ANKRD55: variants seen among roughly 807,000 people sequenced by gnomAD.
ANKRD55 encodes ankyrin repeat domain-containing protein 55.
In ANKRD55, 41 loss-of-function variants were observed where a neutral mutation model predicts 60.6. That is an observed-to-expected ratio of 0.68 (90% CI 0.53 to 0.88). The LOEUF is 0.88. ANKRD55 is among the 40% of genes least tolerant of loss of function. The probability of loss-of-function intolerance (pLI) is 0.00; values close to 1 mark genes in which losing one functional copy is unlikely to be tolerated. For missense variants in ANKRD55, 732 were observed against 767.6 expected, an observed-to-expected ratio of 0.95 and a Z score of 0.55; for synonymous variants, 264 against 290.3, an observed-to-expected ratio of 0.91 and a Z score of 0.92.
intron 8 of ANKRD55, among the ~76,000 whole-genome samples, chr5:56,125,001 T>G (rs890201171): frequency 2.0e-5 from 3 of 152,200 alleles, no homozygotes; most frequent in Admixed American, 1.3e-4. Flanking sequence ...CTTTGTACTT[T>G]CTTTTTTCCC....
chr5:56,160,060 G>C (rs1758288382), intron 5 of ANKRD55, among the ~76,000 whole-genome samples, 167 bp from the exon 6 acceptor site: 1 of 152,136 alleles, frequency 6.6e-6, no homozygotes, highest in African/African-American at 2.4e-5. Context: ...AAAGAAGCAA[G>C]AGTGTGATAG....
intron 2 of ANKRD55, among the ~76,000 whole-genome samples, chr5:56,198,303 T>TA (rs1759274060): frequency 6.6e-6 from 1 of 152,114 alleles, no homozygotes; most frequent in Non-Finnish European, 1.5e-5. Context: ...ATTACTGTTT[T>TA]TTTTTCTTTT....
At chr5:56,125,287 T>C (rs934846231) in intron 8 of ANKRD55, among the ~76,000 whole-genome samples, 12 of 152,100 alleles carry the variant, frequency 7.9e-5, no homozygotes, top group African/African-American at 2.9e-4. Flanking sequence ...TTTTTTCTTT[T>C]TTTTTTTCAG....
chr5:56,134,672 A>G (rs1757510514), intron 7 of ANKRD55, among the ~76,000 whole-genome samples: 1 of 152,150 alleles, frequency 6.6e-6, no homozygotes, highest in South Asian at 2.1e-4. Flanking sequence ...GGTAAATTTT[A>G]CCAAACATTC....
chr5:56,126,952 C>T lies in ANKRD55; in HGVS notation c.767G>A (p.Cys256Tyr), dbSNP rs1256889446. ...IIHELARVPE[C>Y]NLQALDVDDR... ...ATCCACATCCAGAGCCTGCAGGTTA[C>T]ACTCAGGGACTCTTGCCAGCTCATG... Residue 256 changes from cysteine (C) to tyrosine (Y), a missense_variant, in exon 8 of 12, where the codon TGT becomes TAT. By Grantham distance (194) the Cys-to-Tyr change is radical (BLOSUM62 -2). This residue lies in a region of ANKRD55 where 597 missense variants were observed against 607.5 expected (regional missense o/e 0.98). Transcript: ENST00000341048. The T allele has an allele frequency of 5.6e-6, 9 of 1,613,172 alleles. No individual in the cohort carries two copies. The highest frequency in any genetic ancestry group is 7.6e-6 in the Non-Finnish European group (9 of 1,179,430).
At chr5:56,103,220 A>G (rs1214487538) in intron 10 of ANKRD55, among the ~76,000 whole-genome samples, 1 of 152,208 alleles carries the variant, frequency 6.6e-6, no homozygotes, top group East Asian at 1.9e-4. Context: ...GTGTGCATGG[A>G]CCATGTGAGC....
chr5:56,155,002 C>T (rs570036554), intron 6 of ANKRD55, among the ~76,000 whole-genome samples: 8 of 152,054 alleles, frequency 5.3e-5, no homozygotes, highest in East Asian at 1.9e-4. Context: ...GAGGCTGAGG[C>T]GGGAGGATCA....
intron 2 of ANKRD55, among the ~76,000 whole-genome samples, chr5:56,217,660 C>T (rs1191763067): frequency 6.6e-6 from 1 of 152,070 alleles, no homozygotes; most frequent in Non-Finnish European, 1.5e-5. Context: ...TTTGGGAGGC[C>T]AAGGCGGGTG....
intron 7 of ANKRD55, among the ~76,000 whole-genome samples, chr5:56,130,196 T>A (rs115825944): frequency 0.016 from 2,495 of 152,270 alleles, 41 homozygotes; most frequent in Admixed American, 0.041. Flanking sequence ...TACCTTTTTT[T>A]AATATACCAG....
At chr5:56,220,779 C>T (rs1759940476) in intron 2 of ANKRD55, among the ~76,000 whole-genome samples, 1 of 152,166 alleles carries the variant, frequency 6.6e-6, no homozygotes, top group African/African-American at 2.4e-5. Flanking sequence ...TGCCATTGCA[C>T]TCCAGCCTGG....
intron 7 of ANKRD55, chr5:56,127,507 GAC>G: frequency 1.0e-6 from 1 of 985,226 alleles, no homozygotes; most frequent in Non-Finnish European, 1.2e-6. Context: ...CCAAGAAACT[GAC>G]AGAGTTCATC....
chr5:56,152,118 ATTT>A (rs57126840), intron 6 of ANKRD55, among the ~76,000 whole-genome samples: 1 of 89,908 alleles, frequency 1.1e-5, no homozygotes, highest in Non-Finnish European at 2.3e-5. Context: ...ACCCTACTCC[ATTT>A]TTTTTTTTTT....
intron 8 of ANKRD55, among the ~76,000 whole-genome samples, chr5:56,120,928 G>C (rs1401631848): frequency 1.3e-5 from 2 of 150,496 alleles, no homozygotes; most frequent in East Asian, 3.9e-4. Flanking sequence ...AAGATGGTGT[G>C]ACAAGAGCAT....
At chr5:56,141,492 A>T (rs1013395274) in intron 7 of ANKRD55, among the ~76,000 whole-genome samples, 4 of 152,328 alleles carry the variant, frequency 2.6e-5, no homozygotes, top group South Asian at 4.1e-4. Context: ...GTATTGTTTA[A>T]AAGCTCTTCA....
At position 56,110,971 on chromosome 5, in the gene ANKRD55, A is replaced by C. The variant is rs975681339; in HGVS notation, c.1630+147T>G. 3 of 882,322 alleles carry C rather than the reference A, an allele frequency of 3.4e-6. No individual in the cohort carries two copies. The African/African-American group carries it at 5.0e-5, about 15-fold the overall frequency. The allele number at this position is 882,322 out of a possible 1,614,324, so 54.7% of individuals were successfully genotyped here. Reference sequence around the variant, plus strand: ...AGCTCAGAAATCTCAAATCCAGTGCACTTTGGGAGAAAAGGTGGCTCTAAT... The same window carrying C: ...AGCTCAGAAATCTCAAATCCAGTGCCCTTTGGGAGAAAAGGTGGCTCTAAT... On this transcript the variant is annotated intron_variant, in intron 10 of 11. Transcript: ENST00000341048.
chr5:56,206,729 G>A (rs560588152), intron 2 of ANKRD55, among the ~76,000 whole-genome samples: 2 of 152,292 alleles, frequency 1.3e-5, no homozygotes, highest in South Asian at 2.1e-4. Context: ...AAAATGGGTG[G>A]TGACTAACCC....
intron 2 of ANKRD55, chr5:56,193,461 A>G (rs1759157881): frequency 4.0e-6 from 2 of 501,538 alleles, no homozygotes; most frequent in Non-Finnish European, 7.3e-6. Flanking sequence ...CCGATCTTGC[A>G]GTTTCTTTTC....
At chr5:56,112,406 C>T (rs774600784) in intron 9 of ANKRD55, among the ~76,000 whole-genome samples, 8 of 149,628 alleles carry the variant, frequency 5.3e-5, no homozygotes, top group Non-Finnish European at 1.2e-4. Context: ...GTGGCTAATG[C>T]CTATAATTCC....
intron 2 of ANKRD55, among the ~76,000 whole-genome samples, chr5:56,222,413 C>A (rs917194813): frequency 1.3e-5 from 2 of 152,174 alleles, no homozygotes; most frequent in Non-Finnish European, 2.9e-5. Context: ...AGCAGAAAAG[C>A]TGAAAATTCT....
Sources: gnomAD v4.1 joint callset for allele counts (sites outside exome capture counted in the v4.1 genomes callset) on GRCh38, gnomAD v4.1.1 for gene constraint, gnomAD v4.1.1 regional missense constraint, MANE v1.5 for transcripts, NCBI Gene and HGNC (gene_info 2026-07-23, HGNC 2026-07-21) for gene names.